The following ZFTRAF1 variants were observed in gnomAD, a reference collection of about 807,000 sequenced individuals.
ZFTRAF1 encodes the protein zinc finger TRAF-type-containing protein 1.
chr8:144,450,755 G>A, the ZFTRAF1 span: 2 of 701,458 alleles, frequency 2.9e-6, no homozygotes, highest in Non-Finnish European at 2.7e-6. Flanking sequence ...TGTGCGGTAC[G>A]GCCGGAACTG....
chr8:144,450,231 A>G, the ZFTRAF1 span: 2 of 608,050 alleles, frequency 3.3e-6, no homozygotes, highest in Non-Finnish European at 5.9e-6. Flanking sequence ...TCGCGCACGC[A>G]TGCAGACTTG....
chr8:144,458,006 C>T, the ZFTRAF1 span: 1 of 152,392 alleles, frequency 6.6e-6, no homozygotes, highest in African/African-American at 2.4e-5. Flanking sequence ...GGAGGTCCCC[C>T]TTCCTCTGCC....
At chr8:144,453,506 A>G in the ZFTRAF1 span, 3 of 1,472,326 alleles carry the variant, frequency 2.0e-6, no homozygotes, top group African/African-American at 1.4e-5. Context: ...CTGCGGGCTC[A>G]TGCTCGCACA....
At chr8:144,460,692 G>A in the ZFTRAF1 span, among the ~76,000 whole-genome samples, 2 of 152,350 alleles carry the variant, frequency 1.3e-5, no homozygotes, top group East Asian at 3.9e-4. Flanking sequence ...AGACCAGCCT[G>A]GCCAACATGG....
the ZFTRAF1 span, chr8:144,456,358 G>A: frequency 6.6e-6 from 1 of 152,416 alleles, no homozygotes; most frequent in South Asian, 2.1e-4. Flanking sequence ...ACCAAGGCCA[G>A]GCCACAGGCA....
chr8:144,449,586 G>GT, the ZFTRAF1 span: 2 of 152,260 alleles, frequency 1.3e-5, no homozygotes, highest in Non-Finnish European at 2.9e-5. Flanking sequence ...CTAAAATTGT[G>GT]TAACTTATCC....
At chr8:144,452,177 C>T in the ZFTRAF1 span, 1 of 742,450 alleles carries the variant, frequency 1.3e-6, no homozygotes, top group Non-Finnish European at 2.3e-6. Context: ...CCCCTCCTTC[C>T]ACTCAGTCTC....
chr8:144,461,884 G>A, the ZFTRAF1 span, among the ~76,000 whole-genome samples: 1 of 152,144 alleles, frequency 6.6e-6, no homozygotes, highest in African/African-American at 2.4e-5. Context: ...TCTGAGCCCA[G>A]GGAGCTTGGG....
At chr8:144,457,088 T>C in the ZFTRAF1 span, 1 of 150,636 alleles carries the variant, frequency 6.6e-6, no homozygotes, top group African/African-American at 2.5e-5. Context: ...AAAAGAGGTA[T>C]TGACATCACA....
the ZFTRAF1 span, among the ~76,000 whole-genome samples, chr8:144,458,643 A>G: frequency 6.6e-6 from 1 of 152,208 alleles, no homozygotes; most frequent in Non-Finnish European, 1.5e-5. Context: ...GCATAGAGAC[A>G]TGGGCGCTAC....
At chr8:144,450,958 G>C in the ZFTRAF1 span, among the ~76,000 whole-genome samples, 1 of 152,172 alleles carries the variant, frequency 6.6e-6, no homozygotes, top group South Asian at 2.1e-4. Context: ...CACAAGCTTT[G>C]AGGGGAACAA....
the ZFTRAF1 span, chr8:144,455,449 AG>A: frequency 6.6e-6 from 1 of 152,398 alleles, no homozygotes; most frequent in Non-Finnish European, 1.5e-5. Flanking sequence ...AGCCAAGTCC[AG>A]GGGTCAGTGG....
chr8:144,462,121 G>A, the ZFTRAF1 span, among the ~76,000 whole-genome samples: 3 of 152,190 alleles, frequency 2.0e-5, no homozygotes, highest in Admixed American at 6.5e-5. Context: ...CGGAGCAGCC[G>A]CTGGAGCCCC....
At chr8:144,458,753 C>CA in the ZFTRAF1 span, among the ~76,000 whole-genome samples, 1 of 152,178 alleles carries the variant, frequency 6.6e-6, no homozygotes, top group Non-Finnish European at 1.5e-5. Flanking sequence ...AAGGAGAGAA[C>CA]AAAGTCTCAA....
At chr8:144,450,162 C>T in the ZFTRAF1 span, 57 of 543,364 alleles carry the variant, frequency 1.0e-4, no homozygotes, top group Middle Eastern at 4.9e-4. Flanking sequence ...CAGCCTCTGG[C>T]GGCCCTCGGA....
the ZFTRAF1 span, chr8:144,457,217 G>A: frequency 6.6e-6 from 1 of 152,144 alleles, no homozygotes; most frequent in Non-Finnish European, 1.5e-5. Context: ...TGACATCACA[G>A]GGCCTCCTGG....
the ZFTRAF1 span, among the ~76,000 whole-genome samples, chr8:144,458,291 G>A: frequency 1.3e-5 from 2 of 152,234 alleles, no homozygotes; most frequent in Non-Finnish European, 2.9e-5. Flanking sequence ...AGGCTGCTTA[G>A]ATCTAAAAGT....
the ZFTRAF1 span, chr8:144,453,704 TCA>T: frequency 2.1e-6 from 1 of 472,420 alleles, no homozygotes; most frequent in Non-Finnish European, 3.9e-6. Context: ...CCTCATCAGC[TCA>T]CAGAGGTGAC....
chr8:144,459,775 ACTGT>A, the ZFTRAF1 span, among the ~76,000 whole-genome samples: 9 of 152,166 alleles, frequency 5.9e-5, no homozygotes, highest in South Asian at 8.3e-4. Flanking sequence ...AGAGTCAGGG[ACTGT>A]CTAAGTCAGC....
Sources: gnomAD v4.1 joint callset for allele counts (sites outside exome capture counted in the v4.1 genomes callset) on GRCh38, gnomAD v4.1.1 for gene constraint, MANE v1.5 for transcripts, NCBI Gene and HGNC (gene_info 2026-07-23, HGNC 2026-07-21) for gene names.